The following NOX4 variants were observed in gnomAD, a reference collection of about 807,000 sequenced individuals.
NOX4 encodes kidney oxidase-1.
Under a neutral mutation model 87.6 loss-of-function variants are expected in NOX4, and 69 were observed. That is an observed-to-expected ratio of 0.79 (90% confidence interval 0.65 to 0.96). The LOEUF is 0.96. NOX4 is among the 40% of genes least tolerant of loss of function. NOX4 has a pLI of 0.00. For missense variants in NOX4, 680 were observed against 681.5 expected, an observed-to-expected ratio of 1.00 and a Z score of 0.02; for synonymous variants, 275 against 238.2, an observed-to-expected ratio of 1.15 and a Z score of -1.42.
intron 16 of NOX4, among the ~76,000 whole-genome samples, chr11:89,336,415 A>G (rs1945718313): frequency 6.6e-6 from 1 of 151,964 alleles, no homozygotes; most frequent in Non-Finnish European, 1.5e-5. Context: ...TACAGTTGTC[A>G]TATTTGGCTC....
intron 4 of NOX4, among the ~76,000 whole-genome samples, chr11:89,446,776 T>C (rs890582615): frequency 6.6e-6 from 1 of 152,154 alleles, no homozygotes; most frequent in Non-Finnish European, 1.5e-5. Flanking sequence ...CTATTCTGCA[T>C]GGTACAGTAA....
the NOX4 span, among the ~76,000 whole-genome samples, chr11:89,525,763 T>C: frequency 6.6e-6 from 1 of 152,122 alleles, no homozygotes; most frequent in Non-Finnish European, 1.5e-5. Context: ...TTATAATCTT[T>C]GTGTGCTAGA....
intron 11 of NOX4, among the ~76,000 whole-genome samples, chr11:89,390,018 G>T (rs1941018647): frequency 6.6e-6 from 1 of 152,126 alleles, no homozygotes; most frequent in Non-Finnish European, 1.5e-5. Context: ...ACAAAGATGT[G>T]ATACTCACTG....
intron 2 of NOX4, among the ~76,000 whole-genome samples, chr11:89,454,624 G>T (rs1251193843): frequency 2.0e-5 from 3 of 152,046 alleles, no homozygotes; most frequent in African/African-American, 7.2e-5. Flanking sequence ...GCCAAATGTA[G>T]CTTTAAAAAT....
chr11:89,499,535 C>T (rs1178141022), upstream of NOX4, among the ~76,000 whole-genome samples: 1 of 152,152 alleles, frequency 6.6e-6, no homozygotes, highest in Non-Finnish European at 1.5e-5. Context: ...GTCTTGTCTT[C>T]TTCCTCAACA....
intron 12 of NOX4, among the ~76,000 whole-genome samples, chr11:89,363,573 G>A (rs1938699432): frequency 1.3e-5 from 2 of 152,026 alleles, no homozygotes; most frequent in South Asian, 4.1e-4. Context: ...TTTAAAAAGG[G>A]AAAGAAGCAC....
rs1008225013 is a variant in NOX4, at chr11:89,413,524, C to T, written c.629+8378G>A. Among the ~76,000 whole-genome samples, 59 of 152,044 alleles carry T rather than the reference C, an allele frequency of 3.9e-4. 4 individuals carry two copies. The highest frequency in any genetic ancestry group is 1.4e-4 in the African/African-American group (6 of 41,426). On this transcript the variant is annotated intron_variant, in intron 8 of 17. Coordinates refer to ENST00000263317, the MANE Select transcript of NOX4 (RefSeq NM_016931.5). Reference sequence around the variant, plus strand: ...AAAAAGGAGATCCTCTCATTTTCAACGACGTGGGTGGAACTGAGGTCATTG... The same window carrying T: ...AAAAAGGAGATCCTCTCATTTTCAATGACGTGGGTGGAACTGAGGTCATTG...
chr11:89,397,872 A>G (rs1179171485), intron 11 of NOX4, among the ~76,000 whole-genome samples: 2 of 152,138 alleles, frequency 1.3e-5, no homozygotes, highest in African/African-American at 4.8e-5. Flanking sequence ...TTCACAGCCA[A>G]ATTCTACCAG....
chr11:89,393,794 G>A (rs1941287331), intron 11 of NOX4, among the ~76,000 whole-genome samples: 1 of 152,152 alleles, frequency 6.6e-6, no homozygotes, highest in South Asian at 2.1e-4. Flanking sequence ...GCAAGGTTGA[G>A]AGATACATTC....
chr11:89,524,546 T>C, the NOX4 span, among the ~76,000 whole-genome samples: 1 of 152,122 alleles, frequency 6.6e-6, no homozygotes, highest in Non-Finnish European at 1.5e-5. Context: ...ATGTAAGATT[T>C]GAATTATCAT....
intron 7 of NOX4, among the ~76,000 whole-genome samples, chr11:89,424,572 G>A (rs1279615430): frequency 6.6e-6 from 1 of 151,334 alleles, no homozygotes; most frequent in Non-Finnish European, 1.5e-5. Context: ...CCCCAATACT[G>A]GCTTTTATAT....
chr11:89,506,323 G>GA, the NOX4 span, among the ~76,000 whole-genome samples: 1 of 146,150 alleles, frequency 6.8e-6, no homozygotes, highest in Admixed American at 6.9e-5. Context: ...GAAAGAAAGA[G>GA]AAAAAAGGAA....
At chr11:89,357,317 C>T (rs777674600) in intron 12 of NOX4, among the ~76,000 whole-genome samples, 1 of 151,600 alleles carries the variant, frequency 6.6e-6, no homozygotes, top group Non-Finnish European at 1.5e-5. Flanking sequence ...GTCTAGAAAT[C>T]CAAAAAAATA....
intron 8 of NOX4, among the ~76,000 whole-genome samples, chr11:89,403,638 A>T (rs1942001276): frequency 6.6e-6 from 1 of 152,136 alleles, no homozygotes; most frequent in Admixed American, 6.6e-5. Flanking sequence ...GCTACTTGGG[A>T]GGCTGAGGCA....
At chr11:89,550,953 T>C in the NOX4 span, among the ~76,000 whole-genome samples, 7 of 152,228 alleles carry the variant, frequency 4.6e-5, no homozygotes, top group East Asian at 1.2e-3. Context: ...CTTGAGTTAA[T>C]TTTTGTATAA....
At chr11:89,435,828 T>A (rs1275735064) in intron 6 of NOX4, among the ~76,000 whole-genome samples, 1 of 152,124 alleles carries the variant, frequency 6.6e-6, no homozygotes, top group Non-Finnish European at 1.5e-5. Flanking sequence ...ATCTGAAGAT[T>A]TTCCATGTTC....
the NOX4 span, among the ~76,000 whole-genome samples, chr11:89,546,366 C>G: frequency 6.6e-6 from 1 of 152,168 alleles, no homozygotes; most frequent in Admixed American, 6.5e-5. Context: ...AGCCTCCATT[C>G]TTACCCTGCC....
At chr11:89,391,952 T>C (rs531045448) in intron 11 of NOX4, among the ~76,000 whole-genome samples, 3,116 of 140,674 alleles carry the variant, frequency 0.022, 55 homozygotes, top group East Asian at 0.11. Context: ...CTTCCCCTTC[T>C]CCTTCCTTCC....
intron 2 of NOX4, 99 bp downstream of exon 2, chr11:89,490,359 A>G (rs1946800876): frequency 1.3e-6 from 1 of 780,982 alleles, no homozygotes; most frequent in Non-Finnish European, 2.2e-6. Context: ...CAAAGTGAAG[A>G]GTGCACATTT....
Sources: gnomAD v4.1 joint callset for allele counts (sites outside exome capture counted in the v4.1 genomes callset) on GRCh38, gnomAD v4.1.1 for gene constraint, MANE v1.5 for transcripts, NCBI Gene and HGNC (gene_info 2026-07-23, HGNC 2026-07-21) for gene names.